The following TENT4B variants were observed in gnomAD, a reference collection of about 807,000 sequenced individuals.
TENT4B encodes the protein PAP associated domain containing 5.
TENT4B carries 10 observed loss-of-function variants against 75.0 expected under a neutral mutation model. That is an observed-to-expected ratio of 0.13 (90% CI 0.08 to 0.23). The LOEUF is 0.23. Among genes scored for constraint, TENT4B ranks in the 10% least tolerant of loss-of-function variants. The pLI, the probability that TENT4B is intolerant of heterozygous loss-of-function variation, is 1.00. For missense variants in TENT4B, 579 were observed against 893.8 expected, an observed-to-expected ratio of 0.65 and a Z score of 4.49; for synonymous variants, 350 against 357.7, an observed-to-expected ratio of 0.98 and a Z score of 0.24.
intron 1 of TENT4B, among the ~76,000 whole-genome samples, chr16:50,205,248 A>T (rs2030882974): frequency 6.6e-6 from 1 of 152,146 alleles, no homozygotes; most frequent in Non-Finnish European, 1.5e-5. Flanking sequence ...ATGCATACTC[A>T]CAACCATATT....
intron 3 of TENT4B, among the ~76,000 whole-genome samples, chr16:50,215,672 T>G (rs1184124414): frequency 6.6e-6 from 1 of 152,240 alleles, no homozygotes; most frequent in African/African-American, 2.4e-5. Context: ...GGTAGCATGC[T>G]GGATACCTGT....
intron 1 of TENT4B, among the ~76,000 whole-genome samples, chr16:50,185,871 T>C (rs1359797309): frequency 2.0e-5 from 3 of 152,164 alleles, no homozygotes; most frequent in African/African-American, 7.2e-5. Context: ...ATCCGTACTT[T>C]TATGCTCTCA....
Position 50,154,010 on chromosome 16 carries a change from C to G in TENT4B, c.389C>G (p.Ser130Cys). The change falls in exon 1 of 12, where the codon TCC (serine) becomes TGC (cysteine). Residue 130 changes from serine to cysteine, a missense_variant. By Grantham distance (112) the Ser-to-Cys change is moderately radical. Transcript: ENST00000561678. ...AWARRAGSSA[S>C]SPPSASSSPH... ...GCCCGCCGGGCGGGCTCCTCGGCGT[C>G]CTCGCCTCCCTCGGCGTCCTCGTCC... 1 of 1,533,682 alleles carries G rather than the reference C, an allele frequency of 6.5e-7. No individual in the cohort carries two copies. The highest frequency in any genetic ancestry group is 8.7e-7 in the Non-Finnish European group (1 of 1,145,860).
upstream of TENT4B, chr16:50,153,077 G>A (rs765689842): frequency 1.8e-5 from 25 of 1,396,654 alleles, no homozygotes; most frequent in South Asian, 4.3e-5. Flanking sequence ...GGTTGGGCCA[G>A]GCGGTTGCGG....
Position 50,232,370 on chromosome 16 carries a change from T to C in TENT4B, c.*3042T>C, listed in dbSNP as rs1294809270. 14 of 985,342 alleles carry C rather than the reference T, an allele frequency of 1.4e-5. No homozygotes were observed. The highest frequency in any genetic ancestry group is 1.7e-5 in the Non-Finnish European group (14 of 829,948). 61.0% of individuals were successfully genotyped at this position (985,342 alleles called of 1,614,324 possible). A position where few individuals can be genotyped will look rare whatever the true frequency, so the allele number is the denominator to read the frequency against. On this transcript the variant is annotated 3_prime_UTR_variant, in exon 12 of 12. Transcript: ENST00000561678. ...TATCCTGTTTTGAGTGTACTTTACC[T>C]TTACTTGCATTTTGAGCCTCATTAA...
chr16:50,193,248 T>C (rs77163374), intron 1 of TENT4B, among the ~76,000 whole-genome samples: 1 of 152,240 alleles, frequency 6.6e-6, no homozygotes, highest in Non-Finnish European at 1.5e-5. Context: ...GGAGTTAGCT[T>C]TTTGGTTCAG....
chr16:50,192,606 T>C lies in TENT4B; in HGVS notation c.639-18717T>C, dbSNP rs76485853. ...GGGCAGCAGACTTTTCCTGTAAAGA[T>C]AGTTGTTTTCAGCTTTGTTGAATCT... On this transcript the variant is annotated intron_variant, in intron 1 of 11. Coordinates refer to ENST00000561678, the MANE Select transcript of TENT4B (RefSeq NM_001365324.3). Among the ~76,000 whole-genome samples the C allele has an allele frequency of 2.8e-3, 422 of 152,286 alleles. 1 individual carries two copies. The highest frequency in any genetic ancestry group is 9.5e-3 in the African/African-American group (396 of 41,566).
At position 50,222,292 on chromosome 16, in the gene TENT4B, A is replaced by G; in HGVS notation, c.1039-14A>G. 1 of 1,568,340 alleles carries G rather than the reference A, an allele frequency of 6.4e-7. No homozygotes were observed. The highest frequency in any genetic ancestry group is 8.7e-7 in the Non-Finnish European group (1 of 1,154,768). ...GATACAGGAATTCATTGAAAATACA[A>G]TTTTCTTTTTCAGAAATATCCTGTA... On this transcript the variant is annotated splice_polypyrimidine_tract_variant and intron_variant, in intron 5 of 11. Coordinates refer to ENST00000561678, the MANE Select transcript of TENT4B (RefSeq NM_001365324.3).
chr16:50,169,876 C>T (rs2038173422), intron 1 of TENT4B, among the ~76,000 whole-genome samples: 1 of 152,136 alleles, frequency 6.6e-6, no homozygotes. Context: ...TGTCAGAAGC[C>T]ATACCTGGCC....
In TENT4B at chr16:50,154,159, A is replaced by T. The variant is rs984722197; in HGVS notation, c.538A>T (p.Ser180Cys). 6.6e-7 allele frequency: 1 copy of T among 1,517,630 alleles called. No homozygotes were observed. The highest frequency in any genetic ancestry group is 1.4e-5 in the African/African-American group (1 of 71,348). 94.0% of individuals were successfully genotyped at this position (1,517,630 alleles called of 1,614,324 possible). ...YGLNYSLLQP[S>C]GGRAAGGGRA... ...ACTCAACTACAGCCTGCTGCAGCCC[A>T]GCGGAGGGCGGGCCGCGGGGGGCGG... The change falls in exon 1 of 12, where the codon AGC becomes TGC. Residue 180 changes from serine to cysteine, a missense_variant. By Grantham distance (112) the Ser-to-Cys change is moderately radical. Around this residue, in one of 7 missense-constraint regions of TENT4B, gnomAD observed 253 missense variants for 270.1 expected, o/e 0.94. Coordinates refer to ENST00000561678, the MANE Select transcript of TENT4B (RefSeq NM_001365324.3).
rs2032274150 is a variant in TENT4B, at chr16:50,230,941, A to G, written c.*1613A>G. 1.0e-6 allele frequency: 1 copy of G among 979,228 alleles called. No individual in the cohort carries two copies. 60.7% of individuals were successfully genotyped at this position (979,228 alleles called of 1,614,324 possible). A position where few individuals can be genotyped will look rare whatever the true frequency, so the allele number is the denominator to read the frequency against. The stretch of plus-strand genomic sequence containing the variant: ...TATATATATATACATATAAAGTACT[A>G]TTGGCTTTTAGGAGTTTCTTTTATA... On this transcript the variant is annotated 3_prime_UTR_variant, in exon 12 of 12. Coordinates refer to ENST00000561678, the MANE Select transcript of TENT4B (RefSeq NM_001365324.3).
chr16:50,216,390 A>T (rs777016099), intron 4 of TENT4B, among the ~76,000 whole-genome samples, 195 bp downstream of exon 4: 24 of 152,208 alleles, frequency 1.6e-4, no homozygotes, highest in Non-Finnish European at 2.6e-4. Flanking sequence ...GGCTCACTAC[A>T]ACCTGTGCCT....
intron 1 of TENT4B, among the ~76,000 whole-genome samples, chr16:50,185,288 C>T (rs1370777607): frequency 2.6e-5 from 4 of 152,138 alleles, no homozygotes; most frequent in Non-Finnish European, 4.4e-5. Flanking sequence ...CAGCTTTCAC[C>T]TTACTTCTAA....
At chr16:50,214,118 A>C in intron 2 of TENT4B, 103 bp from the exon 3 acceptor site, 1 of 840,478 alleles carries the variant, frequency 1.2e-6, no homozygotes, top group Non-Finnish European at 1.9e-6. Context: ...AAAAAGTACC[A>C]GTAGAGGGTA....
chr16:50,224,828 T>A, intron 8 of TENT4B, 45 bp downstream of exon 8: 1 of 1,612,646 alleles, frequency 6.2e-7, no homozygotes, highest in Non-Finnish European at 8.5e-7. Flanking sequence ...AAATTAGTTG[T>A]GGCTTCTTAT....
intron 8 of TENT4B, 24 bp downstream of exon 8, chr16:50,224,807 C>T: frequency 6.2e-7 from 1 of 1,613,214 alleles, no homozygotes; most frequent in Non-Finnish European, 8.5e-7. Flanking sequence ...TATAACCAGC[C>T]CATTGTGTCA....
chr16:50,186,530 A>G (rs1229349942), intron 1 of TENT4B, among the ~76,000 whole-genome samples: 1 of 152,318 alleles, frequency 6.6e-6, no homozygotes, highest in South Asian at 2.1e-4. Context: ...GTTGTGAATA[A>G]TGCTGCCGTG....
chr16:50,227,420 A>G (rs1233648403), intron 10 of TENT4B, among the ~76,000 whole-genome samples: 1 of 152,194 alleles, frequency 6.6e-6, no homozygotes, highest in Non-Finnish European at 1.5e-5. Flanking sequence ...CCACACCAGT[A>G]TGTTTGGTTA....
At chr16:50,223,919 C>A (rs1165799724) in intron 7 of TENT4B, among the ~76,000 whole-genome samples, 3 of 152,152 alleles carry the variant, frequency 2.0e-5, no homozygotes, top group African/African-American at 7.2e-5. Flanking sequence ...AAAGTAAATT[C>A]CTTCCATGCT....
Sources: gnomAD v4.1 joint callset for allele counts (sites outside exome capture counted in the v4.1 genomes callset) on GRCh38, gnomAD v4.1.1 for gene constraint, gnomAD v4.1.1 regional missense constraint, MANE v1.5 for transcripts, NCBI Gene and HGNC (gene_info 2026-07-23, HGNC 2026-07-21) for gene names.